Variants in KCMF1 observed in about 807,000 individuals in gnomAD.
KCMF1 encodes the protein E3 ubiquitin-protein ligase KCMF1.
A neutral mutation model predicts 41.1 loss-of-function variants in KCMF1; 3 were observed. The observed-to-expected ratio is 0.07, with a 90% confidence interval of 0.03 to 0.19. KCMF1 has a LOEUF of 0.19. Among genes scored for constraint, KCMF1 ranks in the 10% least tolerant of loss-of-function variants. The pLI is 1.00. For missense variants in KCMF1, 286 were observed against 488.9 expected (o/e 0.58, Z 3.91); for synonymous variants, 142 against 164.5 (o/e 0.86, Z 1.04).
chr2:85,045,747 T>C (rs1196987833), intron 4 of KCMF1, among the ~76,000 whole-genome samples: 2 of 152,260 alleles, frequency 1.3e-5, no homozygotes, highest in Non-Finnish European at 2.9e-5. Context: ...GGAAAGAAGC[T>C]TGAAGACAGA....
intron 1 of KCMF1, among the ~76,000 whole-genome samples, chr2:84,976,393 G>A (rs1673545186): frequency 6.6e-6 from 1 of 151,650 alleles, no homozygotes; most frequent in Non-Finnish European, 1.5e-5. Context: ...TTTTAGTGGA[G>A]ACAGGTTTCA....
intron 5 of KCMF1, 112 bp downstream of exon 5, chr2:85,046,390 G>GATT: frequency 1.3e-6 from 1 of 771,060 alleles, no homozygotes; most frequent in Non-Finnish European, 2.0e-6. Flanking sequence ...AGCACTCTGG[G>GATT]AGGCTGGAGC....
intron 1 of KCMF1, among the ~76,000 whole-genome samples, chr2:84,974,833 G>A (rs1269531460): frequency 1.4e-5 from 2 of 147,604 alleles, no homozygotes; most frequent in South Asian, 2.2e-4. Flanking sequence ...AGCCTCCCGC[G>A]TAGCTGGGAT....
chr2:84,986,305 A>G (rs2103971836), intron 1 of KCMF1, among the ~76,000 whole-genome samples: 2 of 152,306 alleles, frequency 1.3e-5, no homozygotes, highest in East Asian at 3.9e-4. Flanking sequence ...CTCATTTACT[A>G]CAAGTTCTGT....
Position 85,055,151 on chromosome 2 carries a change from T to G in KCMF1, c.*1742T>G, listed in dbSNP as rs1675898479. The G allele has an allele frequency of 3.3e-5, 5 of 152,346 alleles. No individual in the cohort carries two copies. The South Asian group carries it at 8.3e-4, about 25-fold the overall frequency. The allele number at this position is 152,346 out of a possible 1,614,324, so 9.4% of individuals were successfully genotyped here. On this transcript the variant is annotated 3_prime_UTR_variant, in exon 7 of 7. Transcript: ENST00000409785. ...ATTTTCATTTTTTTTCATTTGGTTGTTGAGAAGTTTCAAAAATCAGTTTTC... is the reference window on the plus strand; with the variant it reads ...ATTTTCATTTTTTTTCATTTGGTTGGTGAGAAGTTTCAAAAATCAGTTTTC...
chr2:85,032,811 C>T lies in KCMF1; in HGVS notation c.185-2205C>T, dbSNP rs537455540. On this transcript the variant is annotated intron_variant, in intron 2 of 6. Coordinates refer to ENST00000409785, the MANE Select transcript of KCMF1 (RefSeq NM_020122.5). ...GATTATAGGCGTGAGCCACCTCGCC[C>T]GGCGCCAAGAGTTTTTTAGTGGATT... Among the ~76,000 whole-genome samples, 13 of 152,336 alleles carry T rather than the reference C, an allele frequency of 8.5e-5. No homozygotes were observed. In the South Asian group the frequency reaches 1.9e-3, roughly 22 times the overall value.
chr2:84,971,631 C>G lies in KCMF1; in HGVS notation c.16+164C>G, dbSNP rs1313002897. 4.0e-5 allele frequency among the ~76,000 whole-genome samples: 6 copies of G among 150,794 alleles called. No individual in the cohort carries two copies. In the South Asian group the frequency reaches 1.2e-3, roughly 31 times the overall value. The stretch of plus-strand genomic sequence containing the variant: ...GCGAGCGAGCGAGGGCGGAGAGCCG[C>G]GGCGCCGCTGCCGCCACGGCCGCGG... On this transcript the variant is annotated intron_variant, in intron 1 of 6. Coordinates refer to ENST00000409785, the MANE Select transcript of KCMF1 (RefSeq NM_020122.5).
At chr2:85,024,583 A>AGTGTGTGTGTGTGT (rs71390042) in intron 1 of KCMF1, among the ~76,000 whole-genome samples, 1 of 124,220 alleles carries the variant, frequency 8.1e-6, no homozygotes, top group Non-Finnish European at 1.7e-5. Flanking sequence ...AGAGAGAGAG[A>AGTGTGTGTGTGTGT]GTGTGTGTGT....
chr2:85,051,648 TATATTC>T lies in KCMF1; in HGVS notation c.885-1495_885-1490del, dbSNP rs111308062. Among the ~76,000 whole-genome samples, 755 of 152,312 alleles carry T rather than the reference TATATTC, an allele frequency of 5.0e-3. 5 individuals are homozygous for T. The highest frequency in any genetic ancestry group is 0.017 in the African/African-American group (718 of 41,562). On this transcript the variant is annotated intron_variant, in intron 6 of 6. Coordinates refer to ENST00000409785, the MANE Select transcript of KCMF1 (RefSeq NM_020122.5). ...CCACTTTCCACATCTTTTATTGTAT[TATATTC>T]ATATGATTTATTTAAGGCAATATTT...
At chr2:85,044,199 C>G (rs557505406) in intron 4 of KCMF1, among the ~76,000 whole-genome samples, 60 of 152,222 alleles carry the variant, frequency 3.9e-4, no homozygotes, top group Non-Finnish European at 1.9e-4. Context: ...TGTTCCTCTG[C>G]TGCCTTACCC....
chr2:84,976,506 C>T (rs1264994456), intron 1 of KCMF1, among the ~76,000 whole-genome samples: 4 of 151,948 alleles, frequency 2.6e-5, no homozygotes, highest in Admixed American at 6.6e-5. Flanking sequence ...ACGCCCAGCA[C>T]CTTCTTAACT....
At chr2:84,979,849 T>A (rs1234335139) in intron 1 of KCMF1, among the ~76,000 whole-genome samples, 1 of 151,750 alleles carries the variant, frequency 6.6e-6, no homozygotes, top group Non-Finnish European at 1.5e-5. Flanking sequence ...TGAGACCGAG[T>A]TTCACTATTG....
At chr2:85,024,362 C>A (rs1176573236) in intron 1 of KCMF1, among the ~76,000 whole-genome samples, 2 of 152,028 alleles carry the variant, frequency 1.3e-5, no homozygotes, top group East Asian at 3.9e-4. Flanking sequence ...GATCCCAACT[C>A]CTTGGGAGGC....
chr2:85,044,946 T>G (rs1675628589), intron 4 of KCMF1, among the ~76,000 whole-genome samples: 1 of 152,254 alleles, frequency 6.6e-6, no homozygotes. Context: ...TTATGAATTG[T>G]TCGTCTAAAA....
intron 3 of KCMF1, among the ~76,000 whole-genome samples, chr2:85,038,358 A>G (rs1020796981): frequency 6.6e-6 from 1 of 152,224 alleles, no homozygotes; most frequent in African/African-American, 2.4e-5. Flanking sequence ...TGGATGGCCA[A>G]GGTGCAGGTA....
intron 1 of KCMF1, among the ~76,000 whole-genome samples, chr2:84,971,772 C>T (rs953614773): frequency 6.6e-6 from 1 of 150,820 alleles, no homozygotes; most frequent in Non-Finnish European, 1.5e-5. Flanking sequence ...GGGAGCTCGG[C>T]CTTCGGGACT....
At chr2:84,975,546 T>G (rs1673523509) in intron 1 of KCMF1, among the ~76,000 whole-genome samples, 1 of 152,126 alleles carries the variant, frequency 6.6e-6, no homozygotes, top group South Asian at 2.1e-4. Flanking sequence ...TACCCTACAT[T>G]TTTCCTGCTT....
At chr2:85,033,446 T>C (rs1026723647) in intron 2 of KCMF1, among the ~76,000 whole-genome samples, 20 of 152,178 alleles carry the variant, frequency 1.3e-4, no homozygotes, top group African/African-American at 4.6e-4. Context: ...TCACAATTGT[T>C]GAGGCTAAAG....
At chr2:85,013,961 ATAT>A (rs1674709154) in intron 1 of KCMF1, 1 of 152,158 alleles carries the variant, frequency 6.6e-6, no homozygotes, top group African/African-American at 2.4e-5. Flanking sequence ...TGCTGTGCAT[ATAT>A]TATTAGCCGA....
Sources: gnomAD v4.1 joint callset for allele counts (sites outside exome capture counted in the v4.1 genomes callset) on GRCh38, gnomAD v4.1.1 for gene constraint, MANE v1.5 for transcripts, NCBI Gene and HGNC (gene_info 2026-07-23, HGNC 2026-07-21) for gene names.